GNG4: variants seen among roughly 807,000 people sequenced by gnomAD.
GNG4 encodes the protein G protein subunit gamma 4.
Under a neutral mutation model 5.8 loss-of-function variants are expected in GNG4, and 4 were observed. That is an observed-to-expected ratio of 0.69 (90% CI 0.34 to 1.57). The LOEUF is 1.57. Among genes scored for constraint, GNG4 ranks in the 40% most tolerant of loss-of-function variants. The pLI, the probability that GNG4 is intolerant of heterozygous loss-of-function variation, is 0.06. For synonymous variants in GNG4, 29 were observed against 32.9 expected (o/e 0.88, Z 0.41); for missense variants, 96 against 95.1 (o/e 1.01, Z -0.04).
intron 1 of GNG4, among the ~76,000 whole-genome samples, chr1:235,603,798 C>T (rs1047188393): frequency 5.9e-5 from 9 of 152,098 alleles, no homozygotes; most frequent in African/African-American, 9.7e-5. Context: ...ACGCGGGGTC[C>T]GAACGACGCT....
intron 1 of GNG4, among the ~76,000 whole-genome samples, chr1:235,626,997 A>AG (rs1688829690): frequency 5.2e-5 from 7 of 135,534 alleles, no homozygotes; most frequent in African/African-American, 2.0e-4. Flanking sequence ...AAAAAAAAAA[A>AG]AAGAACTTAG....
intron 1 of GNG4, chr1:235,616,336 G>A (rs1688588328): frequency 2.3e-6 from 1 of 430,366 alleles, no homozygotes; most frequent in Non-Finnish European, 4.6e-6. Flanking sequence ...ACCTGGGTCT[G>A]TTGGCCAGAT....
intron 2 of GNG4, among the ~76,000 whole-genome samples, chr1:235,587,554 TTGTGAATGTGGGA>T: frequency 1.5e-3 from 1 of 646 alleles, no homozygotes; most frequent in Non-Finnish European, 2.7e-3. Flanking sequence ...TGGGTTGGGG[TTGTGAATGTGGGA>T]GGGTGTGGGG....
chr1:235,595,214 T>A (rs544667979), intron 2 of GNG4, among the ~76,000 whole-genome samples, 186 bp downstream of exon 2: 2 of 152,242 alleles, frequency 1.3e-5, no homozygotes, highest in African/African-American at 4.8e-5. Flanking sequence ...AAGGGCCCCG[T>A]GTCTGCCGTG....
intron 1 of GNG4, among the ~76,000 whole-genome samples, chr1:235,634,222 C>A (rs80135590): frequency 6.6e-6 from 1 of 152,154 alleles, no homozygotes; most frequent in East Asian, 1.9e-4. Flanking sequence ...CTGTCTGGGG[C>A]CAGTGGCACG....
At chr1:235,600,416 T>TTGTGTG (rs570362257) in intron 1 of GNG4, among the ~76,000 whole-genome samples, 1 of 126,260 alleles carries the variant, frequency 7.9e-6, no homozygotes, top group Non-Finnish European at 1.7e-5. Context: ...CGCCTGGCTT[T>TTGTGTG]TGTGTGTGTG....
chr1:235,575,337 A>G (rs1289002309), intron 3 of GNG4, among the ~76,000 whole-genome samples: 1 of 152,238 alleles, frequency 6.6e-6, no homozygotes, highest in African/African-American at 2.4e-5. Flanking sequence ...CTTTCAATTT[A>G]TAATAGGTTT....
chr1:235,608,996 T>TTTG (rs956797213), intron 1 of GNG4, among the ~76,000 whole-genome samples: 1 of 152,178 alleles, frequency 6.6e-6, no homozygotes, highest in East Asian at 1.9e-4. Flanking sequence ...TCAATTTTTT[T>TTTG]TTGTTGTTGT....
In GNG4 at chr1:235,649,385, C is replaced by T. The variant is rs1043521318; in HGVS notation, c.-123+277G>A. Among the ~76,000 whole-genome samples, 3 of 152,174 alleles carry T rather than the reference C, an allele frequency of 2.0e-5. No individual in the cohort carries two copies. The highest frequency in any genetic ancestry group is 7.2e-5 in the African/African-American group (3 of 41,444). On this transcript the variant is annotated intron_variant, in intron 1 of 3. Coordinates refer to ENST00000391854, the MANE Select transcript of GNG4 (RefSeq NM_001098722.2). The surrounding 1 kb of genome is among the most constrained non-coding windows in gnomAD (Gnocchi z 5.7). ...TCATGCCGGAGGGACCGGGCGCCCC[C>T]AGCCCCGGAAGCCCCTGGACGCGCT... is the stretch of plus-strand genomic sequence containing the variant.
intron 1 of GNG4, among the ~76,000 whole-genome samples, chr1:235,640,647 G>A (rs1219273869): frequency 6.6e-6 from 1 of 152,260 alleles, no homozygotes; most frequent in Non-Finnish European, 1.5e-5. Flanking sequence ...CCTTGAGCCC[G>A]CCTGAATCCC....
rs941215088 is a variant in GNG4 at position 235,649,287 on chromosome 1, G to A, written c.-123+375C>T. Among the ~76,000 whole-genome samples, 1 of 152,216 alleles carries A rather than the reference G, an allele frequency of 6.6e-6. No individual in the cohort carries two copies. The highest frequency in any genetic ancestry group is 1.5e-5 in the Non-Finnish European group (1 of 68,034). On this transcript the variant is annotated intron_variant, in intron 1 of 3. Coordinates refer to ENST00000391854, the MANE Select transcript of GNG4 (RefSeq NM_001098722.2). This position sits in a 1 kb window ranked among gnomAD's most constrained non-coding sequence, Gnocchi z 5.7. Reference sequence around the variant, plus strand: ...ACTGAGGTCCTTTTCCACGGGGGACGTCCCCGCTGGGAAAACAGCAAACGC... The same window carrying A: ...ACTGAGGTCCTTTTCCACGGGGGACATCCCCGCTGGGAAAACAGCAAACGC...
intron 2 of GNG4, among the ~76,000 whole-genome samples, chr1:235,589,540 C>A (rs563937122): frequency 1.4e-4 from 21 of 152,276 alleles, no homozygotes; most frequent in Admixed American, 5.9e-4. Flanking sequence ...CAGCTACCTG[C>A]CCATCCGCCC....
At chr1:235,590,038 G>A (rs1687920999) in intron 2 of GNG4, among the ~76,000 whole-genome samples, 1 of 152,140 alleles carries the variant, frequency 6.6e-6, no homozygotes, top group Non-Finnish European at 1.5e-5. Context: ...TAATGTCCAC[G>A]TCTCTGGCGC....
At chr1:235,620,255 C>T (rs1688678768) in intron 1 of GNG4, among the ~76,000 whole-genome samples, 1 of 152,054 alleles carries the variant, frequency 6.6e-6, no homozygotes, top group Non-Finnish European at 1.5e-5. Context: ...ATCCCAGCTA[C>T]GTGGGTGGCT....
At chr1:235,608,338 G>A (rs892353719) in intron 1 of GNG4, among the ~76,000 whole-genome samples, 3 of 152,082 alleles carry the variant, frequency 2.0e-5, no homozygotes, top group African/African-American at 7.2e-5. Context: ...TGAAATGCTT[G>A]AATTAAAAAA....
chr1:235,623,977 G>A (rs1375333494), intron 1 of GNG4, among the ~76,000 whole-genome samples: 1 of 152,214 alleles, frequency 6.6e-6, no homozygotes. Flanking sequence ...AATGCTGTGA[G>A]CCGAAGACGG....
intron 1 of GNG4, among the ~76,000 whole-genome samples, chr1:235,603,963 C>G (rs1688306099): frequency 6.6e-6 from 1 of 152,124 alleles, no homozygotes; most frequent in Non-Finnish European, 1.5e-5. Flanking sequence ...TCCGTGGGAC[C>G]CTTCACGCTA....
intron 1 of GNG4, among the ~76,000 whole-genome samples, chr1:235,610,803 G>T (rs537229353): frequency 5.9e-5 from 9 of 152,326 alleles, no homozygotes; most frequent in Admixed American, 3.9e-4. Flanking sequence ...CACTGCAAGA[G>T]GCTGGGCGTG....
intron 2 of GNG4, among the ~76,000 whole-genome samples, chr1:235,588,218 C>T (rs1461748896): frequency 6.6e-6 from 1 of 152,092 alleles, no homozygotes; most frequent in African/African-American, 2.4e-5. Context: ...CTGTGCTTTC[C>T]TTGTTGTGCG....
Sources: allele counts gnomAD v4.1 joint callset (sites outside exome capture counted in the v4.1 genomes callset), GRCh38; gene constraint gnomAD v4.1.1; non-coding constraint Gnocchi (gnomAD v3.1); transcripts MANE v1.5; gene names NCBI Gene and HGNC (gene_info 2026-07-23, HGNC 2026-07-21).